The following PGAP1 variants were observed in gnomAD, a reference collection of about 807,000 sequenced individuals.
The protein encoded by PGAP1 is post-GPI attachment to proteins inositol deacylase 1, also known as GPI inositol-deacylase.
In PGAP1, 76 loss-of-function variants were observed where a neutral mutation model predicts 127.0. The observed-to-expected ratio is 0.60, with a 90% CI of 0.50 to 0.72. PGAP1 has a LOEUF of 0.72. PGAP1 is among the 30% of genes least tolerant of loss of function. The probability of loss-of-function intolerance (pLI) is 0.00; values close to 1 mark genes in which losing one functional copy is unlikely to be tolerated. For synonymous variants in PGAP1, 362 were observed against 366.5 expected (o/e 0.99, Z 0.14); for missense variants, 982 against 1,071.3 (o/e 0.92, Z 1.16).
At chr2:196,863,873 T>C (rs1701150405) in intron 20 of PGAP1, among the ~76,000 whole-genome samples, 2 of 151,950 alleles carry the variant, frequency 1.3e-5, no homozygotes, top group Non-Finnish European at 2.9e-5. Flanking sequence ...GCCAGTGCCC[T>C]GCCAGGATGA....
chr2:196,846,426 G>A (rs1700557373), intron 22 of PGAP1, among the ~76,000 whole-genome samples: 1 of 152,076 alleles, frequency 6.6e-6, no homozygotes, highest in Admixed American at 6.5e-5. Flanking sequence ...TCAGAAGGGT[G>A]GAGGAAGAAG....
At chr2:196,872,867 T>A (rs1162949682) in intron 17 of PGAP1, 93 bp downstream of exon 17, 1 of 629,322 alleles carries the variant, frequency 1.6e-6, no homozygotes, top group African/African-American at 1.9e-5. Flanking sequence ...TACTGATGCA[T>A]TTTAATAATT....
chr2:196,922,631 A>G, intron 1 of PGAP1: 1 of 570,066 alleles, frequency 1.8e-6, no homozygotes, highest in Non-Finnish European at 2.2e-6. Flanking sequence ...AGCTTAAGAG[A>G]GAGACATCCT....
At chr2:196,922,394 G>C (rs1576209071) in intron 1 of PGAP1, 1 of 983,252 alleles carries the variant, frequency 1.0e-6, no homozygotes, top group South Asian at 4.7e-5. Context: ...TAGTTTTTAA[G>C]TTCTCACAAA....
intron 20 of PGAP1, among the ~76,000 whole-genome samples, chr2:196,854,503 T>C (rs1283983506): frequency 6.6e-6 from 1 of 152,246 alleles, no homozygotes; most frequent in Non-Finnish European, 1.5e-5. Context: ...ATGTTATTGA[T>C]GTCAGCATTT....
At chr2:196,868,936 C>T (rs749030860) in intron 19 of PGAP1, among the ~76,000 whole-genome samples, 7 of 152,074 alleles carry the variant, frequency 4.6e-5, no homozygotes, top group South Asian at 4.1e-4. Context: ...GAACATCTTA[C>T]GTCTTTTCAA....
chr2:196,918,081 T>G (rs755483485), intron 2 of PGAP1, among the ~76,000 whole-genome samples: 33 of 152,208 alleles, frequency 2.2e-4, no homozygotes, highest in Non-Finnish European at 4.3e-4. Context: ...TGATGACTTA[T>G]GATGTTTTAG....
At chr2:196,912,034 G>A (rs569195675) in intron 4 of PGAP1, among the ~76,000 whole-genome samples, 6 of 152,210 alleles carry the variant, frequency 3.9e-5, no homozygotes, top group Admixed American at 2.0e-4. Flanking sequence ...GGGCAAGAAC[G>A]TTATCTTGGC....
chr2:196,859,694 T>G (rs1423351908), intron 20 of PGAP1, among the ~76,000 whole-genome samples: 1 of 152,202 alleles, frequency 6.6e-6, no homozygotes, highest in Non-Finnish European at 1.5e-5. Context: ...ATCCTAGGAA[T>G]GCAAGGATAG....
intron 20 of PGAP1, among the ~76,000 whole-genome samples, chr2:196,860,162 G>C (rs988140302): frequency 1.3e-5 from 2 of 151,742 alleles, no homozygotes; most frequent in African/African-American, 4.8e-5. Flanking sequence ...TTTGAACTCA[G>C]TAAAAGTTTC....
At chr2:196,921,071 A>G (rs1413807436) in intron 1 of PGAP1, among the ~76,000 whole-genome samples, 2 of 152,048 alleles carry the variant, frequency 1.3e-5, no homozygotes, top group Non-Finnish European at 2.9e-5. Context: ...CTATTTAGGT[A>G]TACATAGATC....
chr2:196,834,679 G>A lies in PGAP1; in HGVS notation c.*6555C>T, dbSNP rs1310221076. On this transcript the variant is annotated 3_prime_UTR_variant, in exon 27 of 27. Transcript: ENST00000354764. ...AATTTATATACAGTATAAATCGGGA[G>A]TTTTTTTTCCACTGCACAGTGGAGG... is the stretch of plus-strand genomic sequence containing the variant. 6.6e-6 allele frequency: 1 copy of A among 151,636 alleles called. No homozygotes were observed. The highest frequency in any genetic ancestry group is 1.9e-4 in the East Asian group (1 of 5,188). 9.4% of individuals were successfully genotyped at this position (151,636 alleles called of 1,614,324 possible).
intron 6 of PGAP1, 74 bp from the exon 7 acceptor site, chr2:196,897,271 T>A: frequency 1.1e-6 from 1 of 871,056 alleles, no homozygotes; most frequent in Non-Finnish European, 1.7e-6. Context: ...TGCACAATTC[T>A]ATTGTTTAGT....
intron 3 of PGAP1, 107 bp from the exon 4 acceptor site, chr2:196,913,160 CTATT>C (rs1263805335): frequency 2.0e-5 from 20 of 980,776 alleles, no homozygotes; most frequent in East Asian, 5.2e-5. Context: ...GAAAATCAAA[CTATT>C]TATATAACCT....
intron 1 of PGAP1, among the ~76,000 whole-genome samples, chr2:196,920,453 A>AT (rs1703150972): frequency 6.6e-6 from 1 of 152,176 alleles, no homozygotes; most frequent in Non-Finnish European, 1.5e-5. Flanking sequence ...AAGCACTGGT[A>AT]TATGTCGACA....
intron 20 of PGAP1, among the ~76,000 whole-genome samples, chr2:196,854,471 T>A (rs74711176): frequency 0.017 from 2,540 of 152,312 alleles, 77 homozygotes; most frequent in African/African-American, 0.058. Flanking sequence ...TAAATCTTCT[T>A]TAAAGTTATA....
chr2:196,894,380 G>C (rs1576167684), intron 7 of PGAP1, among the ~76,000 whole-genome samples: 1 of 152,114 alleles, frequency 6.6e-6, no homozygotes, highest in African/African-American at 2.4e-5. Context: ...GTAGAGTGGA[G>C]GACAGTGGAA....
chr2:196,919,361 A>G (rs893789130), intron 2 of PGAP1, among the ~76,000 whole-genome samples: 3 of 152,244 alleles, frequency 2.0e-5, no homozygotes, highest in African/African-American at 7.2e-5. Flanking sequence ...ATAATTGCAC[A>G]TGTTGAAACA....
chr2:196,920,248 C>G, intron 1 of PGAP1, 98 bp from the exon 2 acceptor site: 1 of 1,050,438 alleles, frequency 9.5e-7, no homozygotes, highest in Non-Finnish European at 1.3e-6. Context: ...TGAAATAGTG[C>G]AATATAAAAA....
Sources: allele counts gnomAD v4.1 joint callset (sites outside exome capture counted in the v4.1 genomes callset), GRCh38; gene constraint gnomAD v4.1.1; transcripts MANE v1.5; gene names NCBI Gene and HGNC (gene_info 2026-07-23, HGNC 2026-07-21).